Variants in ADAM23 observed in about 807,000 individuals in gnomAD.
ADAM23 encodes disintegrin and metalloproteinase domain-containing protein 23.
A neutral mutation model predicts 120.1 loss-of-function variants in ADAM23; 33 were observed. The ratio of observed to expected loss-of-function variants is 0.27; its 90% confidence interval spans 0.21 to 0.37. The LOEUF (loss-of-function observed/expected upper bound fraction) is 0.37. Ranked by LOEUF, ADAM23 falls within the 10% of genes least tolerant of loss-of-function variation. The probability of loss-of-function intolerance (pLI) is 1.00; values close to 1 mark genes in which losing one functional copy is unlikely to be tolerated. For missense variants in ADAM23, 862 were observed against 1,058.2 expected, an observed-to-expected ratio of 0.81 and a Z score of 2.57; for synonymous variants, 367 against 375.2, an observed-to-expected ratio of 0.98 and a Z score of 0.25.
At chr2:206,449,616 A>G (rs1695150207) in intron 2 of ADAM23, among the ~76,000 whole-genome samples, 1 of 152,208 alleles carries the variant, frequency 6.6e-6, no homozygotes, top group Non-Finnish European at 1.5e-5. Context: ...AAAAAAATAC[A>G]AAAATTAGCC....
rs71034460 is a variant in ADAM23, at chr2:206,536,225, TTG to T, written c.573+5293_573+5294del. Among the ~76,000 whole-genome samples the T allele has an allele frequency of 1.1e-4, 16 of 151,494 alleles. No homozygotes were observed. The East Asian group carries it at 2.1e-3, about 20-fold the overall frequency. ...GAATGCTATTCCATTGCGTGTGTGTTTGTGTGTGTGTGTGTGTTGAAATAAGC... is the reference window on the plus strand; with the variant it reads ...GAATGCTATTCCATTGCGTGTGTGTTTGTGTGTGTGTGTGTTGAAATAAGC... On this transcript the variant is annotated intron_variant, in intron 4 of 25. Coordinates refer to ENST00000264377, the MANE Select transcript of ADAM23 (RefSeq NM_003812.4).
chr2:206,513,216 GTTGAAAGCT>G (rs1370218457), intron 3 of ADAM23, among the ~76,000 whole-genome samples: 1 of 152,244 alleles, frequency 6.6e-6, no homozygotes, highest in Non-Finnish European at 1.5e-5. Flanking sequence ...TTCAAGGCAT[GTTGAAAGCT>G]GAGACAGGTT....
At chr2:206,464,581 A>AT (rs1553546802) in intron 2 of ADAM23, among the ~76,000 whole-genome samples, 1 of 152,026 alleles carries the variant, frequency 6.6e-6, no homozygotes, top group South Asian at 2.1e-4. Context: ...TCAAAAAAAA[A>AT]AATAATAATA....
At chr2:206,493,214 A>G (rs188023077) in intron 3 of ADAM23, among the ~76,000 whole-genome samples, 7 of 152,308 alleles carry the variant, frequency 4.6e-5, no homozygotes, top group South Asian at 2.1e-4. Flanking sequence ...ATAAATTAGA[A>G]TCCCCAAATA....
chr2:206,531,253 G>A (rs377509248), intron 4 of ADAM23, among the ~76,000 whole-genome samples: 1 of 152,154 alleles, frequency 6.6e-6, no homozygotes. Flanking sequence ...GAGGCTCATG[G>A]CCATCGAATC....
At chr2:206,473,476 G>A (rs1358024825) in intron 2 of ADAM23, among the ~76,000 whole-genome samples, 1 of 151,856 alleles carries the variant, frequency 6.6e-6, no homozygotes, top group East Asian at 1.9e-4. Flanking sequence ...GCTCACACCT[G>A]TAATCTCAGC....
intron 4 of ADAM23, among the ~76,000 whole-genome samples, chr2:206,540,742 G>T (rs1697274492): frequency 6.6e-6 from 1 of 151,846 alleles, no homozygotes; most frequent in Non-Finnish European, 1.5e-5. Flanking sequence ...TCTGAAAAAA[G>T]AAAAATTGGT....
intron 18 of ADAM23, among the ~76,000 whole-genome samples, chr2:206,584,281 C>T (rs2105842563): frequency 6.6e-6 from 1 of 152,276 alleles, no homozygotes; most frequent in Admixed American, 6.5e-5. Context: ...GTAATGGACT[C>T]CATGAGGGTC....
chr2:206,444,929 G>C (rs1407667786), intron 1 of ADAM23, among the ~76,000 whole-genome samples: 2 of 152,160 alleles, frequency 1.3e-5, no homozygotes, highest in African/African-American at 4.8e-5. Context: ...CTCAGAGAAG[G>C]GGTGGAGATC....
Position 206,559,621 on chromosome 2 carries a change from TG to T in ADAM23, c.1006-333del, listed in dbSNP as rs987868245. Reference sequence around the variant, plus strand: ...GTATATCAGGCTCCAACCTGTTACCTGCTATGAGATTTGAAAGGGTGATTTT... The same window carrying T: ...GTATATCAGGCTCCAACCTGTTACCTCTATGAGATTTGAAAGGGTGATTTT... On this transcript the variant is annotated intron_variant, in intron 10 of 25. Coordinates refer to ENST00000264377, the MANE Select transcript of ADAM23 (RefSeq NM_003812.4). Among the ~76,000 whole-genome samples, 3 of 152,196 alleles carry T rather than the reference TG, an allele frequency of 2.0e-5. No individual in the cohort carries two copies. The East Asian group carries it at 5.8e-4, about 29-fold the overall frequency.
intron 9 of ADAM23, among the ~76,000 whole-genome samples, chr2:206,555,046 C>T (rs1020489643): frequency 1.3e-5 from 2 of 152,114 alleles, no homozygotes; most frequent in African/African-American, 4.8e-5. Context: ...GTTCAGGGCT[C>T]TTTTCTCTTT....
chr2:206,474,690 C>T (rs1350359005), intron 2 of ADAM23, among the ~76,000 whole-genome samples: 2 of 151,940 alleles, frequency 1.3e-5, no homozygotes, highest in African/African-American at 4.8e-5. Flanking sequence ...TTCTCCTGCC[C>T]CAGCCTCCTG....
At chr2:206,583,628 TTTC>T (rs771821156) in intron 18 of ADAM23, among the ~76,000 whole-genome samples, 31 of 152,270 alleles carry the variant, frequency 2.0e-4, no homozygotes, top group Non-Finnish European at 2.9e-4. Context: ...TCTTAATTTC[TTTC>T]TTCTACTTGT....
chr2:206,564,808 T>C (rs1162976172), intron 13 of ADAM23, among the ~76,000 whole-genome samples: 1 of 152,236 alleles, frequency 6.6e-6, no homozygotes, highest in East Asian at 1.9e-4. Context: ...TCTTGCCAGC[T>C]GTTTTCTTAG....
intron 3 of ADAM23, among the ~76,000 whole-genome samples, chr2:206,498,045 G>C (rs1038961715): frequency 6.6e-6 from 1 of 152,172 alleles, no homozygotes; most frequent in African/African-American, 2.4e-5. Flanking sequence ...TGGGTAGGAA[G>C]AATCAATATC....
intron 6 of ADAM23, among the ~76,000 whole-genome samples, chr2:206,545,973 G>A (rs1013962976): frequency 6.6e-6 from 1 of 152,060 alleles, no homozygotes; most frequent in Non-Finnish European, 1.5e-5. Flanking sequence ...TCATAGTAGG[G>A]CAATTTTGTA....
chr2:206,481,130 C>T, intron 2 of ADAM23, 102 bp from the exon 3 acceptor site: 1 of 792,634 alleles, frequency 1.3e-6, no homozygotes, highest in Non-Finnish European at 1.9e-6. Context: ...AGGAAATGAA[C>T]TGATACATAA....
At chr2:206,560,839 TCTA>T (rs945231017) in intron 11 of ADAM23, among the ~76,000 whole-genome samples, 4 of 152,234 alleles carry the variant, frequency 2.6e-5, no homozygotes, top group African/African-American at 9.6e-5. Context: ...CTAGATATTC[TCTA>T]CTAGAAAAAA....
rs1024071264 is a variant in ADAM23, at chr2:206,565,143, C to T, written c.1394+75C>T. On this transcript the variant is annotated intron_variant, in intron 14 of 25. Transcript: ENST00000264377. ...CTGTGTAGAGTTAGAAACAAGGTCT[C>T]TCGGGTATTGGTCTTTTAGGCTAAG... 8.8e-6 allele frequency: 12 copies of T among 1,370,756 alleles called. No individual in the cohort carries two copies. In the African/African-American group the frequency reaches 1.7e-4, roughly 20 times the overall value. The allele number at this position is 1,370,756 out of a possible 1,614,324, so 84.9% of individuals were successfully genotyped here. A position where few individuals can be genotyped will look rare whatever the true frequency, so the allele number is the denominator to read the frequency against.
Sources: allele counts gnomAD v4.1 joint callset (sites outside exome capture counted in the v4.1 genomes callset), GRCh38; gene constraint gnomAD v4.1.1; transcripts MANE v1.5; gene names NCBI Gene and HGNC (gene_info 2026-07-23, HGNC 2026-07-21).